The following DHRS7 variants were observed in gnomAD, a reference collection of about 807,000 sequenced individuals.
The protein encoded by DHRS7 is dehydrogenase/reductase 7.
In DHRS7, 34 loss-of-function variants were observed where a neutral mutation model predicts 38.9. The observed-to-expected ratio is 0.87, with a 90% CI of 0.66 to 1.16. DHRS7 has a LOEUF of 1.16. Among genes scored for constraint, DHRS7 ranks in the 50% most tolerant of loss-of-function variants. The pLI is 0.00. For synonymous variants in DHRS7, 158 were observed against 153.1 expected (o/e 1.03, Z -0.24); for missense variants, 421 against 407.0 (o/e 1.03, Z -0.30).
At chr14:60,149,650 G>C in intron 5 of DHRS7, 82 bp from the exon 6 acceptor site, 1 of 1,087,024 alleles carries the variant, frequency 9.2e-7, no homozygotes, top group Non-Finnish European at 1.3e-6. Flanking sequence ...ATGCCGTCTA[G>C]TTGAGTGGTT....
chr14:60,165,945 C>T (rs988745052), upstream of DHRS7, among the ~76,000 whole-genome samples: 2 of 152,328 alleles, frequency 1.3e-5, no homozygotes, highest in East Asian at 1.9e-4. This position sits in a 1 kb window ranked among gnomAD's most constrained non-coding sequence, Gnocchi z 4.6. Context: ...GTGTTGGCAC[C>T]TTACAACCTG....
Position 60,162,976 on chromosome 14 carries a change from C to T in DHRS7, c.133+2201G>A, listed in dbSNP as rs1353028003. Among the ~76,000 whole-genome samples, 1 of 152,096 alleles carries T rather than the reference C, an allele frequency of 6.6e-6. No individual in the cohort carries two copies. The highest frequency in any genetic ancestry group is 2.4e-5 in the African/African-American group (1 of 41,410). ...CCTGAGGTCAGGGGTTTGAGACTAG[C>T]CTGGCCAACATGGCGAAACCCCAGG... is the stretch of plus-strand genomic sequence containing the variant. On this transcript the variant is annotated intron_variant, in intron 1 of 6. Coordinates refer to ENST00000557185, the MANE Select transcript of DHRS7 (RefSeq NM_016029.4). This position sits in a 1 kb window ranked among gnomAD's most constrained non-coding sequence, Gnocchi z 4.5.
In DHRS7 at chr14:60,144,932, C is replaced by A. The variant is rs753655500; in HGVS notation, c.*34G>T. The A allele has an allele frequency of 1.9e-6, 3 of 1,554,568 alleles. No individual in the cohort carries two copies. The South Asian group carries it at 3.4e-5, about 18-fold the overall frequency. ...TGCTGTTTTCATGTTTTCCATTTCT[C>A]CCTCCAGTGGCTTGAAAAGTACAGG... On this transcript the variant is annotated 3_prime_UTR_variant, in exon 7 of 7. Coordinates refer to ENST00000557185, the MANE Select transcript of DHRS7 (RefSeq NM_016029.4).
Position 60,144,896 on chromosome 14 carries a change from CATA to C in DHRS7, c.*67_*69del, listed in dbSNP as rs1481396769. ...AAATTAGTCTTTGATTATTCAGAAG[CATA>C]AGAAGATTGCTGTTTTCATGTTTTC... On this transcript the variant is annotated 3_prime_UTR_variant, in exon 7 of 7. Coordinates refer to ENST00000557185, the MANE Select transcript of DHRS7 (RefSeq NM_016029.4). 1 of 1,257,436 alleles carries C rather than the reference CATA, an allele frequency of 8.0e-7. No homozygotes were observed. Among genetic ancestry groups the C allele is most frequent in the Admixed American group, 1.7e-5 (1 of 59,188 alleles). The allele number at this position is 1,257,436 out of a possible 1,614,324, so 77.9% of individuals were successfully genotyped here.
intron 2 of DHRS7, among the ~76,000 whole-genome samples, chr14:60,154,953 G>A (rs1451253190): frequency 1.3e-5 from 2 of 151,990 alleles, no homozygotes; most frequent in Admixed American, 1.3e-4. Flanking sequence ...GAGGCCTGTT[G>A]CCCTGCTGAG....
chr14:60,153,563 G>A lies in DHRS7; in HGVS notation c.394-385C>T, dbSNP rs906617478. Among the ~76,000 whole-genome samples, 1 of 152,078 alleles carries A rather than the reference G, an allele frequency of 6.6e-6. No individual in the cohort carries two copies. Among genetic ancestry groups the A allele is most frequent in the Non-Finnish European group, 1.5e-5 (1 of 68,012 alleles). Reference sequence around the variant, plus strand: ...ATATAAAAATTAGCTGGGCGTGATGGTGCATGCCTGTAATCCCAGCTACTC... The same window carrying A: ...ATATAAAAATTAGCTGGGCGTGATGATGCATGCCTGTAATCCCAGCTACTC... On this transcript the variant is annotated intron_variant, in intron 3 of 6. Transcript: ENST00000557185. This position sits in a 1 kb window ranked among gnomAD's most constrained non-coding sequence, Gnocchi z 4.4.
intron 4 of DHRS7, among the ~76,000 whole-genome samples, chr14:60,151,237 T>C (rs1000438300): frequency 1.3e-5 from 2 of 152,198 alleles, no homozygotes; most frequent in African/African-American, 4.8e-5. Context: ...CTGAATGACT[T>C]GTGTAAAACA....
chr14:60,159,189 TC>T (rs1896714996), intron 1 of DHRS7: 1 of 356,780 alleles, frequency 2.8e-6, no homozygotes, highest in Admixed American at 3.8e-5. Context: ...CTTCAAGATC[TC>T]CCTGTCAGAG....
rs1419801949 is a variant in DHRS7, at chr14:60,145,999, T to C, written c.973-986A>G. 2 of 149,830 alleles carry C rather than the reference T, an allele frequency of 1.3e-5. No individual in the cohort carries two copies. The highest frequency in any genetic ancestry group is 2.4e-5 in the African/African-American group (1 of 41,022). The allele number at this position is 149,830 out of a possible 1,614,324, so 9.3% of individuals were successfully genotyped here. The stretch of plus-strand genomic sequence containing the variant: ...GCTAGCATTTTCTTAACTTAGACGC[T>C]TATCAATAAGAAAATTTATATATAT... On this transcript the variant is annotated intron_variant, in intron 6 of 6. Coordinates refer to ENST00000557185, the MANE Select transcript of DHRS7 (RefSeq NM_016029.4). The surrounding 1 kb of genome is among the most constrained non-coding windows in gnomAD (Gnocchi z 4.0).
intron 6 of DHRS7, chr14:60,149,100 G>A (rs776917842): frequency 6.6e-6 from 3 of 452,314 alleles, no homozygotes; most frequent in South Asian, 2.2e-5. Context: ...AGCCTCCCGA[G>A]TAGCTGGGAT....
intron 1 of DHRS7, among the ~76,000 whole-genome samples, chr14:60,164,736 C>T (rs544123620): frequency 3.9e-5 from 6 of 152,328 alleles, no homozygotes; most frequent in African/African-American, 1.4e-4. Flanking sequence ...CAGACTACTT[C>T]AGGTAGTAGA....
intron 1 of DHRS7, among the ~76,000 whole-genome samples, chr14:60,157,067 T>C (rs1896674905): frequency 6.6e-6 from 1 of 152,226 alleles, no homozygotes; most frequent in Non-Finnish European, 1.5e-5. Context: ...ATATCAAATA[T>C]CGTATCACTT....
Position 60,145,938 on chromosome 14 carries a change from C to A in DHRS7, c.973-925G>T, listed in dbSNP as rs1244160262. 2 of 151,444 alleles carry A rather than the reference C, an allele frequency of 1.3e-5. No homozygotes were observed. Among genetic ancestry groups the A allele is most frequent in the East Asian group, 3.9e-4 (2 of 5,174 alleles). 9.4% of individuals were successfully genotyped at this position (151,444 alleles called of 1,614,324 possible). ...GACATACAGACTAAAGAAGCAAATT[C>A]TAGTTAACAAGTACTATTAGCTTGA... On this transcript the variant is annotated intron_variant, in intron 6 of 6. Transcript: ENST00000557185. This position sits in a 1 kb window ranked among gnomAD's most constrained non-coding sequence, Gnocchi z 4.0.
At chr14:60,157,812 C>G (rs1358092513) in intron 1 of DHRS7, among the ~76,000 whole-genome samples, 1 of 151,676 alleles carries the variant, frequency 6.6e-6, no homozygotes, top group Admixed American at 6.6e-5. Context: ...ATATCTAGCT[C>G]CAAAGCCCAC....
chr14:60,164,521 A>T (rs923288621), intron 1 of DHRS7, among the ~76,000 whole-genome samples: 4 of 152,222 alleles, frequency 2.6e-5, no homozygotes, highest in African/African-American at 9.7e-5. Flanking sequence ...TAAAGCGCTG[A>T]GCCAACATAC....
At chr14:60,159,208 G>A (rs775550774) in intron 1 of DHRS7, 16 of 362,404 alleles carry the variant, frequency 4.4e-5, no homozygotes, top group East Asian at 9.9e-5. Context: ...GAGGAGATGC[G>A]GTTACGGAAG....
intron 1 of DHRS7, among the ~76,000 whole-genome samples, chr14:60,157,057 A>C (rs756702499): frequency 3.9e-5 from 6 of 152,246 alleles, no homozygotes; most frequent in Non-Finnish European, 8.8e-5. Context: ...TTTATCAAAA[A>C]TATCAAATAT....
intron 1 of DHRS7, chr14:60,159,376 T>C: frequency 3.1e-6 from 1 of 323,782 alleles, no homozygotes; most frequent in Non-Finnish European, 6.1e-6. Flanking sequence ...GACCTTTCTT[T>C]ATATGTTGGA....
At chr14:60,165,896 C>A (rs1896861269), upstream of DHRS7, among the ~76,000 whole-genome samples, 1 of 152,190 alleles carries the variant, frequency 6.6e-6, no homozygotes, top group Admixed American at 6.5e-5. This position sits in a 1 kb window ranked among gnomAD's most constrained non-coding sequence, Gnocchi z 4.6. Context: ...GGACAAGGTC[C>A]TTTTACAATT....
Sources: gnomAD v4.1 joint callset for allele counts (sites outside exome capture counted in the v4.1 genomes callset) on GRCh38, gnomAD v4.1.1 for gene constraint, Gnocchi (gnomAD v3.1) non-coding constraint, MANE v1.5 for transcripts, NCBI Gene and HGNC (gene_info 2026-07-23, HGNC 2026-07-21) for gene names.